The following ACTR3 variants were observed in gnomAD, a reference collection of about 807,000 sequenced individuals.
The protein encoded by ACTR3 is actin related protein 3.
A neutral mutation model predicts 56.8 loss-of-function variants in ACTR3; 12 were observed. That is an observed-to-expected ratio of 0.21 (90% CI 0.14 to 0.34). The LOEUF is 0.34. Among genes scored for constraint, ACTR3 ranks in the 10% least tolerant of loss-of-function variants. The pLI is 1.00. For missense variants in ACTR3, 282 were observed against 512.5 expected (o/e 0.55, Z 4.34); for synonymous variants, 162 against 167.4 (o/e 0.97, Z 0.25).
At chr2:113,955,911 C>T (rs1680203006) in intron 11 of ACTR3, among the ~76,000 whole-genome samples, 2 of 152,006 alleles carry the variant, frequency 1.3e-5, no homozygotes, top group Admixed American at 6.6e-5. Context: ...CCACACCTGG[C>T]TAATTTTGCA....
chr2:113,950,826 AAAAG>A (rs10535599), intron 8 of ACTR3: 69,992 of 151,866 alleles, frequency 0.46, 20,085 homozygotes, highest in Middle Eastern at 0.66. Context: ...GGCAATTTAT[AAAAG>A]AAAGAGGTTT....
intron 8 of ACTR3, among the ~76,000 whole-genome samples, chr2:113,943,629 A>AG (rs1005481192): frequency 1.3e-5 from 2 of 152,122 alleles, no homozygotes; most frequent in Admixed American, 1.3e-4. Context: ...AGGAGGTGAG[A>AG]GAAAAATAGA....
At chr2:113,907,765 G>A (rs1451468686) in intron 1 of ACTR3, among the ~76,000 whole-genome samples, 2 of 152,002 alleles carry the variant, frequency 1.3e-5, no homozygotes, top group African/African-American at 4.8e-5. Context: ...CTGAGATCAG[G>A]AGTTGGAGAC....
intron 1 of ACTR3, among the ~76,000 whole-genome samples, chr2:113,895,036 T>C (rs1364618592): frequency 1.3e-5 from 2 of 151,848 alleles, no homozygotes; most frequent in Non-Finnish European, 2.9e-5. Flanking sequence ...AAACCCTCTG[T>C]GTAATCTTTA....
intron 5 of ACTR3, among the ~76,000 whole-genome samples, chr2:113,932,035 T>A (rs1679732255): frequency 1.3e-5 from 2 of 152,190 alleles, no homozygotes; most frequent in South Asian, 4.1e-4. Context: ...GGAAGGCACT[T>A]TATTCATAAT....
At chr2:113,948,768 A>G (rs1680065986) in intron 8 of ACTR3, among the ~76,000 whole-genome samples, 1 of 152,028 alleles carries the variant, frequency 6.6e-6, no homozygotes, top group South Asian at 2.1e-4. Flanking sequence ...CAGTAGTTAT[A>G]TAAATCTCTT....
rs1430530084 is a variant in ACTR3, at chr2:113,962,521, T to C, written c.*5066T>C. 1 of 151,968 alleles carries C rather than the reference T, an allele frequency of 6.6e-6. No homozygotes were observed. The highest frequency in any genetic ancestry group is 1.5e-5 in the Non-Finnish European group (1 of 67,890). 9.4% of individuals were successfully genotyped at this position (151,968 alleles called of 1,614,324 possible). A position where few individuals can be genotyped will look rare whatever the true frequency, so the allele number is the denominator to read the frequency against. On this transcript the variant is annotated 3_prime_UTR_variant, in exon 12 of 12. Coordinates refer to ENST00000263238, the MANE Select transcript of ACTR3 (RefSeq NM_005721.5). ...TCAAGGTTGCAGTAAATTGTTAATC[T>C]TATTTGGAATTATATTAGAAAGTCG...
chr2:113,914,007 G>A (rs560315166), intron 2 of ACTR3, among the ~76,000 whole-genome samples: 2 of 152,292 alleles, frequency 1.3e-5, no homozygotes, highest in Admixed American at 1.3e-4. Flanking sequence ...CAAACCTTTT[G>A]AGCCGTTGCT....
chr2:113,959,110 A>G lies in ACTR3; in HGVS notation c.*1655A>G, dbSNP rs1680276921. 1 of 152,054 alleles carries G rather than the reference A, an allele frequency of 6.6e-6. No individual in the cohort carries two copies. Among genetic ancestry groups the G allele is most frequent in the African/African-American group, 2.4e-5 (1 of 41,444 alleles). 9.4% of individuals were successfully genotyped at this position (152,054 alleles called of 1,614,324 possible). A position where few individuals can be genotyped will look rare whatever the true frequency, so the allele number is the denominator to read the frequency against. On this transcript the variant is annotated 3_prime_UTR_variant, in exon 12 of 12. Transcript: ENST00000263238. ...AACATTATAAAAATACTATTCAAAC[A>G]GTACCAAAGAGTAGATTAGCAAAAG...
intron 8 of ACTR3, among the ~76,000 whole-genome samples, chr2:113,948,864 C>T (rs998662666): frequency 8.3e-6 from 1 of 120,654 alleles, no homozygotes; most frequent in Admixed American, 7.6e-5. Context: ...TTGCTTCTGT[C>T]GGTTCCCAGT....
intron 1 of ACTR3, among the ~76,000 whole-genome samples, chr2:113,902,625 A>G (rs1450695466): frequency 4.0e-5 from 6 of 151,372 alleles, no homozygotes; most frequent in Non-Finnish European, 8.8e-5. Flanking sequence ...TTGGAGACAG[A>G]GTCTCGCTCT....
At chr2:113,909,598 A>C (rs1679263817) in intron 1 of ACTR3, among the ~76,000 whole-genome samples, 1 of 150,950 alleles carries the variant, frequency 6.6e-6, no homozygotes, top group South Asian at 2.1e-4. Context: ...AGTTGTGATA[A>C]AAGTTTTTTT....
chr2:113,926,382 C>T (rs1037352591), intron 3 of ACTR3, among the ~76,000 whole-genome samples: 21 of 152,164 alleles, frequency 1.4e-4, no homozygotes, highest in South Asian at 2.1e-4. Flanking sequence ...AATAACTTTG[C>T]GGCGCCCTTG....
intron 6 of ACTR3, among the ~76,000 whole-genome samples, chr2:113,936,302 CAAAAAAAAAA>C (rs61526382): frequency 2.6e-5 from 2 of 78,250 alleles, no homozygotes; most frequent in Non-Finnish European, 5.0e-5. Flanking sequence ...ACCCTGTCTC[CAAAAAAAAAA>C]AAAAAAAAAA....
intron 6 of ACTR3, among the ~76,000 whole-genome samples, chr2:113,938,108 C>T (rs1346202196): frequency 6.6e-6 from 1 of 151,728 alleles, no homozygotes; most frequent in Non-Finnish European, 1.5e-5. Flanking sequence ...CTGTGTAGTC[C>T]ACTGTAATCT....
At chr2:113,945,776 T>C (rs1680010129) in intron 8 of ACTR3, among the ~76,000 whole-genome samples, 1 of 152,202 alleles carries the variant, frequency 6.6e-6, no homozygotes, top group African/African-American at 2.4e-5. Context: ...CTATGTTTCC[T>C]GATCCTCTCC....
chr2:113,890,532 G>T, intron 1 of ACTR3: 1 of 1,365,020 alleles, frequency 7.3e-7, no homozygotes, highest in Non-Finnish European at 9.5e-7. Context: ...GGGGGCGCGG[G>T]CCCGAGATTC....
chr2:113,957,329 C>A, intron 11 of ACTR3, 31 bp from the exon 12 acceptor site: 2 of 1,516,242 alleles, frequency 1.3e-6, no homozygotes, highest in Non-Finnish European at 9.1e-7. Context: ...GATTTTTGAC[C>A]CTTATAAAAA....
At chr2:113,913,071 C>T (rs1679337749) in intron 1 of ACTR3, 101 bp from the exon 2 acceptor site, 1 of 725,966 alleles carries the variant, frequency 1.4e-6, no homozygotes, top group East Asian at 3.2e-5. Context: ...ATATTATTTA[C>T]CTACGATGGA....
Sources: allele counts gnomAD v4.1 joint callset (sites outside exome capture counted in the v4.1 genomes callset), GRCh38; gene constraint gnomAD v4.1.1; transcripts MANE v1.5; gene names NCBI Gene and HGNC (gene_info 2026-07-23, HGNC 2026-07-21).